Variants in GALNT17 observed in about 807,000 individuals in gnomAD.
GALNT17 encodes UDP-GalNAc:polypeptide N-acetylgalactosaminyltransferase-like 3.
GALNT17 carries 29 observed loss-of-function variants against 63.7 expected under a neutral mutation model. That is an observed-to-expected ratio of 0.46 (90% CI 0.34 to 0.62). The LOEUF (loss-of-function observed/expected upper bound fraction) is 0.62, where lower values mean the gene tolerates loss of function less well. Ranked by LOEUF, GALNT17 falls within the 20% of genes least tolerant of loss-of-function variation. The pLI is 0.01. For missense variants in GALNT17, 603 were observed against 799.6 expected (o/e 0.75, Z 2.97); for synonymous variants, 305 against 318.3 (o/e 0.96, Z 0.45).
intron 5 of GALNT17, among the ~76,000 whole-genome samples, chr7:71,529,477 G>C (rs1389416015): frequency 2.0e-5 from 3 of 152,136 alleles, no homozygotes; most frequent in Non-Finnish European, 4.4e-5. Context: ...TTTAAACCAT[G>C]TGACATAATT....
Position 71,466,685 on chromosome 7 carries a change from T to C in GALNT17, c.962+45580T>C, listed in dbSNP as rs549405997. Among the ~76,000 whole-genome samples the C allele has an allele frequency of 1.2e-3, 177 of 152,268 alleles. 2 individuals are homozygous for C. Among genetic ancestry groups the C allele is most frequent in the African/African-American group, 4.1e-3 (171 of 41,564 alleles). On this transcript the variant is annotated intron_variant, in intron 5 of 10. Transcript: ENST00000333538. ...TCATCTACATAACAAGAGCTTTGGC[T>C]TCCACAGTCCTCATCTTGACTCAAG...
chr7:71,477,617 C>T (rs562411545), intron 5 of GALNT17, among the ~76,000 whole-genome samples: 3 of 152,214 alleles, frequency 2.0e-5, no homozygotes, highest in South Asian at 2.1e-4. Flanking sequence ...GGAGCCCAGA[C>T]GTTCGAGGCT....
chr7:71,168,486 C>A (rs577323852), intron 1 of GALNT17, among the ~76,000 whole-genome samples: 81 of 152,112 alleles, frequency 5.3e-4, no homozygotes, highest in African/African-American at 1.9e-3. Context: ...GCAGGAGAAT[C>A]TTTTGAACCC....
chr7:71,299,373 A>G (rs1791152441), intron 1 of GALNT17, among the ~76,000 whole-genome samples: 1 of 152,200 alleles, frequency 6.6e-6, no homozygotes, highest in African/African-American at 2.4e-5. Context: ...CAAGTACTCA[A>G]CACATGCTAC....
chr7:71,455,526 A>C (rs1245414888), intron 5 of GALNT17, among the ~76,000 whole-genome samples: 1 of 148,910 alleles, frequency 6.7e-6, no homozygotes, highest in Non-Finnish European at 1.5e-5. Flanking sequence ...TTGCATTTTA[A>C]TAAGTCTGTA....
intron 5 of GALNT17, among the ~76,000 whole-genome samples, chr7:71,519,099 C>T (rs1788486489): frequency 6.6e-6 from 1 of 152,040 alleles, no homozygotes; most frequent in Non-Finnish European, 1.5e-5. Context: ...CAGGTGAGAC[C>T]AGGTACAAGT....
At chr7:71,405,159 A>G (rs1232663980) in intron 3 of GALNT17, among the ~76,000 whole-genome samples, 3 of 152,234 alleles carry the variant, frequency 2.0e-5, no homozygotes, top group African/African-American at 7.2e-5. Context: ...GGACAAGCCC[A>G]GGCCAGGCCA....
At chr7:71,694,522 A>G (rs918744548) in intron 9 of GALNT17, among the ~76,000 whole-genome samples, 10 of 151,904 alleles carry the variant, frequency 6.6e-5, no homozygotes, top group Non-Finnish European at 4.4e-5. Context: ...CAGCCTCCCA[A>G]GTAGCTGTGA....
intron 1 of GALNT17, among the ~76,000 whole-genome samples, chr7:71,183,088 A>G (rs1788764935): frequency 6.6e-6 from 1 of 152,120 alleles, no homozygotes; most frequent in African/African-American, 2.4e-5. Flanking sequence ...CCAGATGTGC[A>G]GAGTGAAAGG....
chr7:71,162,539 C>T (rs534870203), intron 1 of GALNT17, among the ~76,000 whole-genome samples: 64 of 151,904 alleles, frequency 4.2e-4, no homozygotes, highest in African/African-American at 1.5e-3. Flanking sequence ...ATATGATAAA[C>T]GAGGTTCATT....
intron 2 of GALNT17, among the ~76,000 whole-genome samples, chr7:71,373,755 AC>A (rs1792670666): frequency 6.6e-6 from 1 of 151,658 alleles, no homozygotes; most frequent in Admixed American, 6.6e-5. Context: ...TTAAACCATC[AC>A]CCCCACGCCA....
At chr7:71,504,649 T>A (rs1289375711) in intron 5 of GALNT17, among the ~76,000 whole-genome samples, 3 of 152,240 alleles carry the variant, frequency 2.0e-5, no homozygotes, top group Non-Finnish European at 4.4e-5. Flanking sequence ...ATTTACATAG[T>A]TTACTTATTT....
intron 1 of GALNT17, among the ~76,000 whole-genome samples, chr7:71,270,560 AAG>A (rs1392174675): frequency 1.2e-3 from 166 of 135,914 alleles, no homozygotes; most frequent in African/African-American, 4.1e-3. Context: ...AAAAAAAAAA[AAG>A]AAACGAATTT....
At chr7:71,449,411 T>C (rs940110063) in intron 5 of GALNT17, among the ~76,000 whole-genome samples, 2 of 152,138 alleles carry the variant, frequency 1.3e-5, no homozygotes, top group African/African-American at 4.8e-5. Flanking sequence ...GATAATCACA[T>C]TATGTGATTT....
chr7:71,337,696 C>T (rs985359540), intron 2 of GALNT17, among the ~76,000 whole-genome samples: 17 of 151,762 alleles, frequency 1.1e-4, no homozygotes, highest in Non-Finnish European at 2.1e-4. Flanking sequence ...AGCAAAACCC[C>T]GTCTCTACTA....
chr7:71,266,988 G>A (rs1334090421), intron 1 of GALNT17, among the ~76,000 whole-genome samples: 3 of 152,220 alleles, frequency 2.0e-5, no homozygotes, highest in African/African-American at 7.2e-5. Flanking sequence ...GAGAAAGTGT[G>A]CAGAGCCTCC....
chr7:71,388,193 A>G, intron 2 of GALNT17, 42 bp from the exon 3 acceptor site: 6 of 1,596,668 alleles, frequency 3.8e-6, no homozygotes, highest in Middle Eastern at 3.3e-4. Context: ...CTGAGCTTTT[A>G]TCCTTCCTCT....
At position 71,388,239 on chromosome 7, in the gene GALNT17, A is replaced by G. The variant is rs1028854324; in HGVS notation, c.427A>G (p.Lys143Glu). Residue 143 changes from lysine to glutamate, a missense_variant, in exon 3 of 11, where the codon AAG (lysine) becomes GAG (glutamate). Transcript: ENST00000333538. ...TTCCGATCTCTCCTTCCCCAGGTGT[A>G]AGGAGCTCAAGTACTCCAAGGACCT... ...SIPDYRPTKC[K>E]ELKYSKDLPQ... The G allele has an allele frequency of 6.2e-7, 1 of 1,613,574 alleles. No individual in the cohort carries two copies.
chr7:71,614,622 AAAAG>A (rs1790171242), intron 6 of GALNT17, among the ~76,000 whole-genome samples: 4 of 151,906 alleles, frequency 2.6e-5, no homozygotes, highest in South Asian at 4.2e-4. Context: ...TTTTCTCAAA[AAAAG>A]AAAGGAAGGG....
Sources: gnomAD v4.1 joint callset for allele counts (sites outside exome capture counted in the v4.1 genomes callset) on GRCh38, gnomAD v4.1.1 for gene constraint, MANE v1.5 for transcripts, NCBI Gene and HGNC (gene_info 2026-07-23, HGNC 2026-07-21) for gene names.